The following NDUFB3 variants were observed in gnomAD, a reference collection of about 807,000 sequenced individuals.
NDUFB3 encodes NADH dehydrogenase [ubiquinone] 1 beta subcomplex subunit 3.
NDUFB3 carries 7 observed loss-of-function variants against 9.0 expected under a neutral mutation model. The ratio of observed to expected loss-of-function variants is 0.78; its 90% CI spans 0.44 to 1.46. NDUFB3 has a LOEUF of 1.46. Among genes scored for constraint, NDUFB3 ranks in the 40% most tolerant of loss-of-function variants. The pLI is 0.01. For synonymous variants in NDUFB3, 29 were observed against 38.5 expected (o/e 0.75, Z 0.91); for missense variants, 93 against 115.4 (o/e 0.81, Z 0.89).
intron 1 of NDUFB3, among the ~76,000 whole-genome samples, chr2:201,074,625 T>C (rs1170188911): frequency 6.6e-6 from 1 of 151,876 alleles, no homozygotes; most frequent in Non-Finnish European, 1.5e-5. Flanking sequence ...CCTGGCTAAT[T>C]TTTGTATTTT....
In NDUFB3 at chr2:201,074,509, T is replaced by TGCAGTG. The variant is rs549906272; in HGVS notation, c.-3+2453_-3+2458dup. The stretch of plus-strand genomic sequence containing the variant: ...TCTCACTCTGTCACCCAGGCTGGAG[T>TGCAGTG]GCAGTGGCGCAATCTCGGCTCACTG... On this transcript the variant is annotated intron_variant, in intron 1 of 2. Transcript: ENST00000237889. Among the ~76,000 whole-genome samples the TGCAGTG allele has an allele frequency of 7.0e-3, 1,013 of 143,862 alleles. 7 individuals are homozygous for TGCAGTG. Among genetic ancestry groups the TGCAGTG allele is most frequent in the African/African-American group, 0.026 (958 of 37,354 alleles). 94.4% of individuals were successfully genotyped at this position (143,862 alleles called of 152,430 possible). A position where few individuals can be genotyped will look rare whatever the true frequency, so the allele number is the denominator to read the frequency against.
chr2:201,075,198 AAAAG>A lies in NDUFB3; in HGVS notation c.-3+3143_-3+3146del, dbSNP rs1317583540. Among the ~76,000 whole-genome samples the A allele has an allele frequency of 4.0e-5, 6 of 151,560 alleles. No individual in the cohort carries two copies. The East Asian group carries it at 7.7e-4, about 19-fold the overall frequency. On this transcript the variant is annotated intron_variant, in intron 1 of 2. Coordinates refer to ENST00000237889, the MANE Select transcript of NDUFB3 (RefSeq NM_002491.3). ...CTGTCTGAAAAAAAAAAAAAAAAGA[AAAAG>A]AAAAAAGAAAATGAAAGGTTTCCTA...
rs1056227954 is a variant in NDUFB3 at position 201,073,209 on chromosome 2, G to A, written c.-3+1150G>A. Among the ~76,000 whole-genome samples the A allele has an allele frequency of 5.9e-5, 9 of 151,910 alleles. No homozygotes were observed. In the South Asian group the frequency reaches 1.0e-3, roughly 18 times the overall value. ...TCACTTGTTTTACTTTAATTTTTCC[G>A]TCTATGATGAATTCCTAAAAAATGA... On this transcript the variant is annotated intron_variant, in intron 1 of 2. Coordinates refer to ENST00000237889, the MANE Select transcript of NDUFB3 (RefSeq NM_002491.3).
chr2:201,078,931 C>A lies in NDUFB3; in HGVS notation c.49C>A (p.Pro17Thr). ...GCATGGACATCATAAAATGGAACTT[C>A]CAGATTATAGACAATGGAAGATAGA... ...HEHGHHKMEL[P>T]DYRQWKIEGT... The change falls in exon 2 of 3, where the codon CCA becomes ACA. Residue 17 changes from proline to threonine, a missense_variant. By Grantham distance (38) the Pro-to-Thr change is conservative (BLOSUM62 -1). Coordinates refer to ENST00000237889, the MANE Select transcript of NDUFB3 (RefSeq NM_002491.3). 1 of 1,612,842 alleles carries A rather than the reference C, an allele frequency of 6.2e-7. No individual in the cohort carries two copies. Among genetic ancestry groups the A allele is most frequent in the Non-Finnish European group, 8.5e-7 (1 of 1,179,686 alleles).
chr2:201,083,525 TG>T (rs1400500753), intron 2 of NDUFB3, among the ~76,000 whole-genome samples: 3 of 152,152 alleles, frequency 2.0e-5, no homozygotes, highest in East Asian at 1.9e-4. Context: ...CGGCTAATTT[TG>T]TTTTTTTAGT....
At chr2:201,082,982 G>A (rs1276775689) in intron 2 of NDUFB3, among the ~76,000 whole-genome samples, 2 of 151,818 alleles carry the variant, frequency 1.3e-5, no homozygotes, top group Non-Finnish European at 2.9e-5. Context: ...CAAAGTGCTG[G>A]GATTACAGGC....
chr2:201,074,013 C>T lies in NDUFB3; in HGVS notation c.-3+1954C>T, dbSNP rs189586684. Among the ~76,000 whole-genome samples the T allele has an allele frequency of 2.0e-3, 302 of 152,008 alleles. 4 individuals carry two copies. The East Asian group carries it at 0.028, about 14-fold the overall frequency. On this transcript the variant is annotated intron_variant, in intron 1 of 2. Coordinates refer to ENST00000237889, the MANE Select transcript of NDUFB3 (RefSeq NM_002491.3). ...TGTCGCCCAGGCTGGAGTGCAGTGG[C>T]GCGATCTCGGCTTAGTGCAATCTTC...
chr2:201,083,922 A>G (rs1479162837), intron 2 of NDUFB3, among the ~76,000 whole-genome samples: 4 of 151,604 alleles, frequency 2.6e-5, no homozygotes, highest in Non-Finnish European at 5.9e-5. Flanking sequence ...TTGGGAAGCC[A>G]AGGCAGGCGG....
intron 2 of NDUFB3, among the ~76,000 whole-genome samples, chr2:201,084,730 C>A (rs544257583): frequency 6.6e-6 from 1 of 152,276 alleles, no homozygotes; most frequent in African/African-American, 2.4e-5. Flanking sequence ...GTTTTGGTAT[C>A]CCAATTAGAT....
chr2:201,075,248 C>G (rs1198561703), intron 1 of NDUFB3, among the ~76,000 whole-genome samples: 3 of 151,002 alleles, frequency 2.0e-5, no homozygotes, highest in Non-Finnish European at 4.4e-5. Flanking sequence ...TTTCAACTTT[C>G]TGCTCTTTTT....
At chr2:201,082,329 G>A (rs1426701692) in intron 2 of NDUFB3, among the ~76,000 whole-genome samples, 4 of 151,376 alleles carry the variant, frequency 2.6e-5, no homozygotes, top group Admixed American at 6.6e-5. Context: ...CAATGATGCC[G>A]TTTTGGCTCA....
At chr2:201,073,186 ACTT>A (rs1204902043) in intron 1 of NDUFB3, among the ~76,000 whole-genome samples, 1 of 152,100 alleles carries the variant, frequency 6.6e-6, no homozygotes, top group African/African-American at 2.4e-5. Flanking sequence ...CTAAGCACTC[ACTT>A]GTTTTACTTT....
chr2:201,080,021 A>G (rs1245340043), intron 2 of NDUFB3: 3 of 152,112 alleles, frequency 2.0e-5, no homozygotes, highest in Admixed American at 6.6e-5. Flanking sequence ...TGAATTCACA[A>G]TTTAGCAATT....
At chr2:201,080,993 G>A (rs1404037625) in intron 2 of NDUFB3, among the ~76,000 whole-genome samples, 1 of 151,638 alleles carries the variant, frequency 6.6e-6, no homozygotes, top group Admixed American at 6.6e-5. Flanking sequence ...ATGAGCCACC[G>A]TGCCCAGCCA....
intron 2 of NDUFB3, among the ~76,000 whole-genome samples, chr2:201,083,741 G>T (rs1236399357): frequency 6.6e-6 from 1 of 152,148 alleles, no homozygotes; most frequent in African/African-American, 2.4e-5. Flanking sequence ...TGTTAATATG[G>T]CGAGTTACTT....
intron 2 of NDUFB3, among the ~76,000 whole-genome samples, chr2:201,084,289 CAA>C (rs1185626167): frequency 8.9e-5 from 12 of 134,488 alleles, no homozygotes; most frequent in Admixed American, 2.3e-4. Context: ...GACTCCATCT[CAA>C]AAAAAAAAAA....
At chr2:201,081,599 G>A (rs1432274855) in intron 2 of NDUFB3, among the ~76,000 whole-genome samples, 1 of 151,124 alleles carries the variant, frequency 6.6e-6, no homozygotes, top group Non-Finnish European at 1.5e-5. Flanking sequence ...TTACGTACAG[G>A]TCTTGCACAT....
chr2:201,079,065 A>G, intron 2 of NDUFB3, 43 bp downstream of exon 2: 1 of 1,563,592 alleles, frequency 6.4e-7, no homozygotes, highest in Non-Finnish European at 8.6e-7. Context: ...ATCCTAGAGA[A>G]TCAAGTGTCT....
chr2:201,075,731 T>C (rs572836972), intron 1 of NDUFB3, among the ~76,000 whole-genome samples: 2 of 152,294 alleles, frequency 1.3e-5, no homozygotes, highest in South Asian at 4.1e-4. Context: ...GATTTATCTT[T>C]CAAATTACTT....
Sources: allele counts gnomAD v4.1 joint callset (sites outside exome capture counted in the v4.1 genomes callset), GRCh38; gene constraint gnomAD v4.1.1; transcripts MANE v1.5; gene names NCBI Gene and HGNC (gene_info 2026-07-23, HGNC 2026-07-21).